Variants in C2CD5 observed in about 807,000 individuals in gnomAD.
C2CD5 encodes C2 calcium dependent domain containing 5, also known as C2 domain-containing protein 5.
C2CD5 carries 109 observed loss-of-function variants against 130.3 expected under a neutral mutation model. The observed-to-expected ratio is 0.84, with a 90% CI of 0.72 to 0.98. The LOEUF is 0.98. Ranked by LOEUF, C2CD5 falls within the 50% of genes least tolerant of loss-of-function variation. C2CD5 has a pLI of 0.00. For synonymous variants in C2CD5, 454 were observed against 429.2 expected (o/e 1.06, Z -0.71); for missense variants, 996 against 1,261.8 (o/e 0.79, Z 3.19).
intron 9 of C2CD5, among the ~76,000 whole-genome samples, chr12:22,507,992 C>T (rs1449578755): frequency 6.6e-6 from 1 of 151,966 alleles, no homozygotes; most frequent in African/African-American, 2.4e-5. Flanking sequence ...TTAAATGCAA[C>T]AAATAAAAGC....
chr12:22,472,299 G>T lies in C2CD5; in HGVS notation c.2156C>A (p.Thr719Asn). 1 of 1,513,550 alleles carries T rather than the reference G, an allele frequency of 6.6e-7. No individual in the cohort carries two copies. Among genetic ancestry groups the T allele is most frequent in the Non-Finnish European group, 9.0e-7 (1 of 1,105,058 alleles). 93.8% of individuals were successfully genotyped at this position (1,513,550 alleles called of 1,614,324 possible). Residue 719 changes from threonine (T) to asparagine (N), a missense_variant, in exon 18 of 27, where the codon ACC becomes AAC. Physicochemically the swap from Thr to Asn is moderately conservative, Grantham distance 65 (BLOSUM62 0). Coordinates refer to ENST00000446597, the MANE Select transcript of C2CD5 (RefSeq NM_001286176.2). Reference sequence around the variant, plus strand: ...AAAAAGGTTTACCTGTATTTCAGAGGTCCAATTATTTATACCGGGCATAAT... The same window carrying T: ...AAAAAGGTTTACCTGTATTTCAGAGTTCCAATTATTTATACCGGGCATAAT... ...TEIMPGINNW[T>N]SEIQMFTSVR...
intron 23 of C2CD5, 58 bp from the exon 24 acceptor site, chr12:22,458,643 C>T: frequency 4.6e-6 from 3 of 658,550 alleles, no homozygotes; most frequent in Non-Finnish European, 6.5e-6. Context: ...TGGATGATGT[C>T]TCTTACTCGT....
Position 22,498,152 on chromosome 12 carries a change from A to G in C2CD5, c.1148-4815T>C, listed in dbSNP as rs76736821. Among the ~76,000 whole-genome samples, 22 of 152,252 alleles carry G rather than the reference A, an allele frequency of 1.4e-4. No homozygotes were observed. In the East Asian group the frequency reaches 4.2e-3, roughly 29 times the overall value. On this transcript the variant is annotated intron_variant, in intron 10 of 26. Transcript: ENST00000446597. ...TAAGTATCTCTCAGGGAAAATGATA[A>G]TTGCTGAGATTATCAGTAAAATTAA...
chr12:22,523,575 A>G lies in C2CD5; in HGVS notation c.651T>C (p.Asn217=), dbSNP rs760054370. ...AACACTGTAAGTACCCCACAACTGC[A>G]TTTCCTCTCATTTCAAGTACTTTCA... ...IGLKVLEMRG[N]AVVGYLQCFD... The change falls in exon 7 of 27, where the codon AAT becomes AAC. Residue 217 remains asparagine (N), a synonymous_variant. Transcript: ENST00000446597. 1.1e-5 allele frequency: 17 copies of G among 1,613,596 alleles called. No individual in the cohort carries two copies. Among genetic ancestry groups the G allele is most frequent in the Non-Finnish European group, 1.4e-5 (17 of 1,179,876 alleles).
chr12:22,511,511 T>C (rs886911566), intron 9 of C2CD5, among the ~76,000 whole-genome samples: 12 of 152,312 alleles, frequency 7.9e-5, no homozygotes, highest in Admixed American at 5.2e-4. Flanking sequence ...GCGATATAGA[T>C]GTACTGCCAA....
intron 15 of C2CD5, 31 bp downstream of exon 15, chr12:22,478,282 T>C: frequency 6.5e-7 from 1 of 1,547,464 alleles, no homozygotes; most frequent in African/African-American, 1.4e-5. Flanking sequence ...CAATAACTGA[T>C]ACATTCACAA....
intron 16 of C2CD5, 84 bp downstream of exon 16, chr12:22,474,667 A>G (rs1943571159): frequency 1.1e-6 from 1 of 942,816 alleles, no homozygotes. Flanking sequence ...TAATGATATA[A>G]AAGTATCATA....
At chr12:22,466,885 C>T (rs1327329111) in intron 22 of C2CD5, among the ~76,000 whole-genome samples, 3 of 152,146 alleles carry the variant, frequency 2.0e-5, no homozygotes, top group African/African-American at 7.2e-5. Flanking sequence ...ATGATGATGA[C>T]AATAAAGGGT....
At chr12:22,505,803 C>T (rs1948451884) in intron 10 of C2CD5, among the ~76,000 whole-genome samples, 1 of 152,164 alleles carries the variant, frequency 6.6e-6, no homozygotes, top group African/African-American at 2.4e-5. Flanking sequence ...TATTCTTACT[C>T]GTTTGCTTAA....
At chr12:22,476,290 G>GTAAT (rs1049148145) in intron 15 of C2CD5, among the ~76,000 whole-genome samples, 2 of 152,036 alleles carry the variant, frequency 1.3e-5, no homozygotes, top group Non-Finnish European at 2.9e-5. Context: ...ACACAACACT[G>GTAAT]TAATGTGTAT....
chr12:22,472,537 T>C, intron 17 of C2CD5, 190 bp from the exon 18 acceptor site: 1 of 621,512 alleles, frequency 1.6e-6, no homozygotes, highest in East Asian at 2.8e-5. Flanking sequence ...CGTGTATAAA[T>C]ATAAAAGGAC....
At chr12:22,459,716 TA>T (rs769909198) in intron 22 of C2CD5, among the ~76,000 whole-genome samples, 174 bp from the exon 23 acceptor site, 35 of 152,220 alleles carry the variant, frequency 2.3e-4, no homozygotes, top group Non-Finnish European at 4.6e-4. Context: ...TTTCTATTGA[TA>T]AATGAAAACT....
intron 10 of C2CD5, among the ~76,000 whole-genome samples, chr12:22,493,979 T>C (rs1386461935): frequency 6.6e-6 from 1 of 152,018 alleles, no homozygotes; most frequent in Non-Finnish European, 1.5e-5. Flanking sequence ...AAATTTCAGA[T>C]ATAACACTCC....
chr12:22,522,443 C>T (rs1950354393), intron 7 of C2CD5, among the ~76,000 whole-genome samples: 2 of 152,192 alleles, frequency 1.3e-5, no homozygotes, highest in Non-Finnish European at 2.9e-5. Context: ...AATGATGACA[C>T]ACACAGGCCA....
At chr12:22,533,671 G>C (rs1049958952) in intron 3 of C2CD5, among the ~76,000 whole-genome samples, 1 of 152,198 alleles carries the variant, frequency 6.6e-6, no homozygotes, top group Non-Finnish European at 1.5e-5. Context: ...CTCAAGGAAG[G>C]AAGCACAAGT....
At chr12:22,458,792 G>A (rs1591933399) in intron 23 of C2CD5, 1 of 323,948 alleles carries the variant, frequency 3.1e-6, no homozygotes, top group African/African-American at 2.1e-5. Flanking sequence ...TTAGCAGGCT[G>A]AGCATTTCTG....
At chr12:22,536,143 CA>C (rs10645576) in intron 2 of C2CD5, among the ~76,000 whole-genome samples, 195 of 127,084 alleles carry the variant, frequency 1.5e-3, no homozygotes, top group Non-Finnish European at 1.6e-3. Flanking sequence ...TTCTTCAGCA[CA>C]AAAAAAAAAA....
chr12:22,540,552 C>T (rs764857161), intron 2 of C2CD5, among the ~76,000 whole-genome samples: 5 of 152,088 alleles, frequency 3.3e-5, no homozygotes, highest in Non-Finnish European at 2.9e-5. Flanking sequence ...TGAAAAAGTA[C>T]TTCCATATTA....
chr12:22,450,891 G>T (rs972809054), intron 26 of C2CD5, among the ~76,000 whole-genome samples: 8 of 152,020 alleles, frequency 5.3e-5, no homozygotes, highest in African/African-American at 1.9e-4. Flanking sequence ...AAACAATAAA[G>T]GTAGTCTTTA....
Sources: allele counts gnomAD v4.1 joint callset (sites outside exome capture counted in the v4.1 genomes callset), GRCh38; gene constraint gnomAD v4.1.1; transcripts MANE v1.5; gene names NCBI Gene and HGNC (gene_info 2026-07-23, HGNC 2026-07-21).